Variants in DCC observed in about 807,000 individuals in gnomAD.
DCC encodes the protein DCC netrin 1 receptor.
DCC carries 58 observed loss-of-function variants against 172.5 expected under a neutral mutation model. That is an observed-to-expected ratio of 0.34 (90% CI 0.27 to 0.42). The LOEUF (loss-of-function observed/expected upper bound fraction) is 0.42. Among genes scored for constraint, DCC ranks in the 10% least tolerant of loss-of-function variants. DCC has a pLI of 1.00. For missense variants in DCC, 1,740 were observed against 1,791.0 expected, an observed-to-expected ratio of 0.97 and a Z score of 0.51; for synonymous variants, 709 against 644.5, an observed-to-expected ratio of 1.10 and a Z score of -1.52.
In DCC at chr18:53,485,178, C is replaced by T. The variant is rs2045886582; in HGVS notation, c.3737-1619C>T. ...TTTGTCACAAAAAGTAACTGTGAGC[C>T]GATAGATATGTTAATCTACTTCACT... On this transcript the variant is annotated intron_variant, in intron 25 of 28. Transcript: ENST00000442544. 3.3e-5 allele frequency among the ~76,000 whole-genome samples: 5 copies of T among 152,038 alleles called. No homozygotes were observed. The South Asian group carries it at 6.2e-4, about 19-fold the overall frequency.
rs182380111 is a variant in DCC, at chr18:52,803,771, A to G, written c.412+51397A>G. 4.2e-3 allele frequency among the ~76,000 whole-genome samples: 634 copies of G among 152,340 alleles called. 8 individuals are homozygous for G. Among genetic ancestry groups the G allele is most frequent in the Non-Finnish European group, 7.4e-3 (502 of 68,028 alleles). ...ATATAATTTGCCTTAGAGAAACAAC[A>G]CATTCATTCAATCCACACACTCATG... is the stretch of plus-strand genomic sequence containing the variant. On this transcript the variant is annotated intron_variant, in intron 2 of 28. Coordinates refer to ENST00000442544, the MANE Select transcript of DCC (RefSeq NM_005215.4).
At chr18:53,296,362 A>G (rs1375063614) in intron 12 of DCC, among the ~76,000 whole-genome samples, 1 of 152,094 alleles carries the variant, frequency 6.6e-6, no homozygotes, top group Admixed American at 6.6e-5. Flanking sequence ...CTACATAAAT[A>G]TTATGTGCCA....
intron 2 of DCC, among the ~76,000 whole-genome samples, chr18:52,783,066 T>C (rs1255789865): frequency 6.6e-6 from 1 of 152,056 alleles, no homozygotes; most frequent in East Asian, 1.9e-4. Flanking sequence ...AAAGTATGTG[T>C]ATGTCATAAT....
chr18:53,032,737 T>C (rs2042042672), intron 5 of DCC, among the ~76,000 whole-genome samples: 1 of 152,118 alleles, frequency 6.6e-6, no homozygotes, highest in African/African-American at 2.4e-5. Flanking sequence ...AGCTTTAGGG[T>C]ACAGAGTGCA....
In DCC at chr18:52,378,473, C is replaced by T. The variant is rs569105314; in HGVS notation, c.91+37595C>T. ...AGATAAATATATACAGTGGACTTTA[C>T]ACTTCAGGGAGTATAATCTTGTTTG... On this transcript the variant is annotated intron_variant, in intron 1 of 28. Coordinates refer to ENST00000442544, the MANE Select transcript of DCC (RefSeq NM_005215.4). 2.9e-4 allele frequency among the ~76,000 whole-genome samples: 44 copies of T among 152,226 alleles called. 4 individuals are homozygous for T. The South Asian group carries it at 9.1e-3, about 32-fold the overall frequency.
chr18:53,140,702 A>G (rs1271939820), intron 7 of DCC, among the ~76,000 whole-genome samples: 1 of 152,158 alleles, frequency 6.6e-6, no homozygotes, highest in African/African-American at 2.4e-5. Context: ...ATTTTTGTAT[A>G]AAGACTAATA....
intron 11 of DCC, among the ~76,000 whole-genome samples, chr18:53,213,830 A>G (rs2055800124): frequency 6.6e-6 from 1 of 151,818 alleles, no homozygotes; most frequent in Admixed American, 6.6e-5. Flanking sequence ...TGTAATTTTT[A>G]TGTCAATAAT....
intron 2 of DCC, among the ~76,000 whole-genome samples, chr18:52,800,589 G>T (rs2037967002): frequency 6.6e-6 from 1 of 152,126 alleles, no homozygotes; most frequent in African/African-American, 2.4e-5. Context: ...GAGGTTAGAT[G>T]CAGATAAAAA....
At chr18:53,214,968 C>G (rs894852439) in intron 11 of DCC, among the ~76,000 whole-genome samples, 1 of 152,132 alleles carries the variant, frequency 6.6e-6, no homozygotes, top group Non-Finnish European at 1.5e-5. Flanking sequence ...TGCTGCTTTG[C>G]TAATAGAATT....
rs191482002 is a variant in DCC, at chr18:52,520,347, C to T, written c.91+179469C>T. Among the ~76,000 whole-genome samples the T allele has an allele frequency of 4.6e-3, 707 of 152,328 alleles. 7 individuals carry two copies. Among genetic ancestry groups the T allele is most frequent in the South Asian group, 0.015 (72 of 4,828 alleles). On this transcript the variant is annotated intron_variant, in intron 1 of 28. Transcript: ENST00000442544. ...TAGCATAAGTGGTTACTGCTATAAT[C>T]AGTAAATCCAAGTTAACTTACCTAA...
intron 12 of DCC, among the ~76,000 whole-genome samples, chr18:53,291,382 CG>C (rs2057003284): frequency 6.6e-6 from 1 of 151,914 alleles, no homozygotes; most frequent in Non-Finnish European, 1.5e-5. Context: ...CTATAGTTGC[CG>C]TTTTTATATG....
chr18:52,900,438 T>C (rs1314508984), intron 2 of DCC, among the ~76,000 whole-genome samples: 2 of 152,250 alleles, frequency 1.3e-5, no homozygotes, highest in African/African-American at 4.8e-5. Flanking sequence ...AGTCTCATAA[T>C]GGCTCTATAT....
intron 1 of DCC, among the ~76,000 whole-genome samples, chr18:52,368,815 T>A (rs1228131867): frequency 6.6e-6 from 1 of 152,200 alleles, no homozygotes; most frequent in Non-Finnish European, 1.5e-5. Flanking sequence ...TGCCCAGACA[T>A]TATACCTTGC....
intron 1 of DCC, among the ~76,000 whole-genome samples, chr18:52,415,413 C>T (rs1196241728): frequency 7.9e-5 from 12 of 152,166 alleles, no homozygotes; most frequent in Non-Finnish European, 1.5e-5. Flanking sequence ...AAAGCCAATG[C>T]TAATTGCCAT....
intron 1 of DCC, among the ~76,000 whole-genome samples, chr18:52,554,081 G>A (rs2032847409): frequency 1.3e-5 from 2 of 152,050 alleles, no homozygotes; most frequent in African/African-American, 2.4e-5. Context: ...AAAGATGGTT[G>A]TATTAAGTGA....
At chr18:52,943,612 T>G (rs547833040) in intron 5 of DCC, among the ~76,000 whole-genome samples, 7 of 152,360 alleles carry the variant, frequency 4.6e-5, no homozygotes, top group African/African-American at 1.7e-4. Context: ...AGTTAAAATT[T>G]AAATATTTTA....
At chr18:52,828,588 AT>A (rs1482647365) in intron 2 of DCC, among the ~76,000 whole-genome samples, 1 of 152,212 alleles carries the variant, frequency 6.6e-6, no homozygotes, top group East Asian at 1.9e-4. Flanking sequence ...CTTTGTTGTC[AT>A]TGTGAATAAG....
chr18:52,907,358 T>C (rs2039903094), intron 3 of DCC, among the ~76,000 whole-genome samples: 1 of 144,366 alleles, frequency 6.9e-6, no homozygotes, highest in Non-Finnish European at 1.5e-5. Flanking sequence ...CATGTATATA[T>C]GAATGATATA....
intron 1 of DCC, among the ~76,000 whole-genome samples, chr18:52,372,986 A>G (rs1052929403): frequency 1.3e-5 from 2 of 152,196 alleles, no homozygotes; most frequent in African/African-American, 4.8e-5. Flanking sequence ...AGGAGCCTCT[A>G]TTCCCACGCT....
Sources: gnomAD v4.1 joint callset for allele counts (sites outside exome capture counted in the v4.1 genomes callset) on GRCh38, gnomAD v4.1.1 for gene constraint, MANE v1.5 for transcripts, NCBI Gene and HGNC (gene_info 2026-07-23, HGNC 2026-07-21) for gene names.